The following NMNAT2 variants were observed in gnomAD, a reference collection of about 807,000 sequenced individuals.
NMNAT2 encodes nicotinamide nucleotide adenylyltransferase 2.
A neutral mutation model predicts 41.6 loss-of-function variants in NMNAT2; 11 were observed. The observed-to-expected ratio is 0.26, with a 90% confidence interval of 0.17 to 0.44. The LOEUF (loss-of-function observed/expected upper bound fraction) is 0.44. Ranked by LOEUF, NMNAT2 falls within the 20% of genes least tolerant of loss-of-function variation. The pLI, the probability that NMNAT2 is intolerant of heterozygous loss-of-function variation, is 1.00. For synonymous variants in NMNAT2, 148 were observed against 151.2 expected (o/e 0.98, Z 0.16); for missense variants, 288 against 407.7 (o/e 0.71, Z 2.53).
intron 1 of NMNAT2, among the ~76,000 whole-genome samples, chr1:183,300,955 C>G (rs7521935): frequency 0.23 from 35,380 of 152,090 alleles, 4,214 homozygotes; most frequent in South Asian, 0.29. Context: ...GATTCTGATT[C>G]TATGGGTCTG....
At position 183,289,423 on chromosome 1, in the gene NMNAT2, G is replaced by A. The variant is rs556368252; in HGVS notation, c.321+705C>T. On this transcript the variant is annotated intron_variant, in intron 4 of 10. Transcript: ENST00000287713. ...CTGGTATGGAGCCCATTCTAACCTG[G>A]CAACCAGCCCTGAAGTCTCTGCAGC... 1.2e-3 allele frequency among the ~76,000 whole-genome samples: 185 copies of A among 152,316 alleles called. 2 individuals are homozygous for A. The highest frequency in any genetic ancestry group is 1.6e-4 in the Non-Finnish European group (11 of 68,018).
In NMNAT2 at chr1:183,393,658, C is replaced by T. The variant is rs147650671; in HGVS notation, c.85+24525G>A. 5.9e-5 allele frequency among the ~76,000 whole-genome samples: 9 copies of T among 152,098 alleles called. 1 individual carries two copies. The South Asian group carries it at 8.3e-4, about 14-fold the overall frequency. On this transcript the variant is annotated intron_variant, in intron 1 of 10. Transcript: ENST00000287713. ...GCAACCTCTGCCTCCCGGGTTCAAG[C>T]GATTCGCCTGCCTCAGCCTCCCGAG...
intron 1 of NMNAT2, among the ~76,000 whole-genome samples, chr1:183,384,118 TG>T: frequency 6.6e-6 from 1 of 152,062 alleles, no homozygotes; most frequent in Non-Finnish European, 1.5e-5. Flanking sequence ...CTTGCAATCA[TG>T]GTGGAAGGTG....
intron 8 of NMNAT2, among the ~76,000 whole-genome samples, chr1:183,265,497 C>G (rs181429492): frequency 6.6e-6 from 1 of 152,144 alleles, no homozygotes; most frequent in African/African-American, 2.4e-5. Context: ...AAACTCCTGA[C>G]CTCATGATCC....
intron 3 of NMNAT2, among the ~76,000 whole-genome samples, 200 bp downstream of exon 3, chr1:183,292,590 A>G (rs1006280147): frequency 6.6e-6 from 1 of 152,228 alleles, no homozygotes; most frequent in Non-Finnish European, 1.5e-5. Flanking sequence ...CTTTACATTC[A>G]TGGGCCTCAC....
intron 1 of NMNAT2, among the ~76,000 whole-genome samples, chr1:183,340,051 C>A (rs1662762389): frequency 6.6e-6 from 1 of 152,222 alleles, no homozygotes; most frequent in Admixed American, 6.5e-5. Context: ...GAGCAGAGAG[C>A]CTGGTCCAGT....
At chr1:183,290,050 G>T in intron 4 of NMNAT2, 78 bp downstream of exon 4, 2 of 1,182,912 alleles carry the variant, frequency 1.7e-6, no homozygotes, top group Non-Finnish European at 2.4e-6. Flanking sequence ...TCCTCTCCCT[G>T]CCTGGTTTCT....
chr1:183,254,440 T>A (rs1418276370), intron 10 of NMNAT2, among the ~76,000 whole-genome samples: 12 of 152,150 alleles, frequency 7.9e-5, no homozygotes, highest in Non-Finnish European at 1.8e-4. Flanking sequence ...GTTTGTTTGT[T>A]TGTTTGCTTT....
At chr1:183,299,668 G>T (rs1661797661) in intron 1 of NMNAT2, among the ~76,000 whole-genome samples, 2 of 151,630 alleles carry the variant, frequency 1.3e-5, no homozygotes, top group South Asian at 4.2e-4. Flanking sequence ...AAAAAAAAAG[G>T]TGTTAAAGGT....
At chr1:183,383,351 G>T (rs775677224) in intron 1 of NMNAT2, among the ~76,000 whole-genome samples, 1 of 152,188 alleles carries the variant, frequency 6.6e-6, no homozygotes, top group African/African-American at 2.4e-5. Flanking sequence ...TCTCTGGAAT[G>T]CCTTCAAGAA....
chr1:183,315,168 A>G (rs12240153), intron 1 of NMNAT2, among the ~76,000 whole-genome samples: 3,828 of 152,330 alleles, frequency 0.025, 148 homozygotes, highest in African/African-American at 0.087. Flanking sequence ...AAATAGAGGC[A>G]AATATTCACT....
intron 1 of NMNAT2, among the ~76,000 whole-genome samples, chr1:183,341,988 C>A (rs991681073): frequency 6.6e-6 from 1 of 150,952 alleles, no homozygotes; most frequent in African/African-American, 2.4e-5. Context: ...AGACCAATTA[C>A]ATCCATGTGG....
chr1:183,271,484 T>C (rs1660987670), intron 8 of NMNAT2, among the ~76,000 whole-genome samples: 1 of 152,234 alleles, frequency 6.6e-6, no homozygotes, highest in South Asian at 2.1e-4. Flanking sequence ...TTGTCTACTT[T>C]GTTTTCTCAC....
At chr1:183,275,122 G>A (rs933898783) in intron 8 of NMNAT2, among the ~76,000 whole-genome samples, 1 of 152,186 alleles carries the variant, frequency 6.6e-6, no homozygotes, top group Non-Finnish European at 1.5e-5. Context: ...TGGTGACCAT[G>A]GTGAACTGAG....
At chr1:183,290,263 T>C (rs1434350438) in intron 3 of NMNAT2, 57 bp from the exon 4 acceptor site, 19 of 1,384,572 alleles carry the variant, frequency 1.4e-5, no homozygotes, top group Middle Eastern at 1.8e-4. Flanking sequence ...CTTTCCTTAT[T>C]GTTACCTTCC....
chr1:183,341,725 C>A (rs111487113), intron 1 of NMNAT2, among the ~76,000 whole-genome samples: 410 of 22,104 alleles, frequency 0.019, 10 homozygotes, highest in African/African-American at 0.048. Flanking sequence ...AAACAAACAC[C>A]AAAAAAAAAA....
intron 1 of NMNAT2, among the ~76,000 whole-genome samples, chr1:183,350,857 C>T (rs1044959039): frequency 3.3e-5 from 5 of 152,116 alleles, no homozygotes; most frequent in Admixed American, 2.0e-4. Context: ...AGTACCTTAC[C>T]TAAGATCACA....
chr1:183,407,192 G>A (rs1283616157), intron 1 of NMNAT2, among the ~76,000 whole-genome samples: 1 of 152,156 alleles, frequency 6.6e-6, no homozygotes, highest in African/African-American at 2.4e-5. Flanking sequence ...CGCCTGAAGT[G>A]TCCAGTGGAT....
At position 183,300,036 on chromosome 1, in the gene NMNAT2, G is replaced by T. The variant is rs1047893716; in HGVS notation, c.86-6243C>A. The stretch of plus-strand genomic sequence containing the variant: ...ACTAGGTCATGAGGATGGAACCCTC[G>T]TGGATGGAATTACAGCCCCTATAAA... On this transcript the variant is annotated intron_variant, in intron 1 of 10. Coordinates refer to ENST00000287713, the MANE Select transcript of NMNAT2 (RefSeq NM_015039.4). 2.0e-5 allele frequency among the ~76,000 whole-genome samples: 3 copies of T among 152,100 alleles called. No homozygotes were observed. The East Asian group carries it at 5.8e-4, about 29-fold the overall frequency.
Sources: allele counts gnomAD v4.1 joint callset (sites outside exome capture counted in the v4.1 genomes callset), GRCh38; gene constraint gnomAD v4.1.1; transcripts MANE v1.5; gene names NCBI Gene and HGNC (gene_info 2026-07-23, HGNC 2026-07-21).